The following TF variants were observed in gnomAD, a reference collection of about 807,000 sequenced individuals.
The protein encoded by TF is transferrin, also known as serotransferrin.
TF carries 55 observed loss-of-function variants against 82.4 expected under a neutral mutation model. That is an observed-to-expected ratio of 0.67 (90% CI 0.54 to 0.84). The LOEUF is 0.84. TF is among the 40% of genes least tolerant of loss of function. The pLI, the probability that TF is intolerant of heterozygous loss-of-function variation, is 0.00. For synonymous variants in TF, 332 were observed against 332.6 expected, an observed-to-expected ratio of 1.00 and a Z score of 0.02; for missense variants, 737 against 868.4, an observed-to-expected ratio of 0.85 and a Z score of 1.90.
intron 3 of TF, chr3:133,754,061 C>A: frequency 2.3e-6 from 1 of 439,340 alleles, no homozygotes; most frequent in Non-Finnish European, 4.2e-6. Context: ...AGGGGTCACT[C>A]TGGAGCACAC....
At chr3:133,718,062 G>A in the TF span, among the ~76,000 whole-genome samples, 2 of 152,026 alleles carry the variant, frequency 1.3e-5, no homozygotes, top group Non-Finnish European at 2.9e-5. Flanking sequence ...ACGCTGGATG[G>A]GCAAGGGTCC....
chr3:133,670,974 A>G, the TF span, among the ~76,000 whole-genome samples: 2 of 152,238 alleles, frequency 1.3e-5, no homozygotes, highest in Non-Finnish European at 2.9e-5. Context: ...GATCCCATTG[A>G]GAAGGGAGGA....
intron 1 of TF, 64 bp from the exon 2 acceptor site, chr3:133,748,348 G>T (rs1460412779): frequency 6.2e-7 from 1 of 1,604,928 alleles, no homozygotes; most frequent in African/African-American, 1.3e-5. Context: ...CCTTTCTAGG[G>T]GCGATGCTGT....
At position 133,794,903 on chromosome 3, in the gene TF, G is replaced by T. The variant is rs1386474451; in HGVS notation, c.*16283G>T. The T allele has an allele frequency of 6.6e-6, 1 of 152,138 alleles. No individual in the cohort carries two copies. The highest frequency in any genetic ancestry group is 1.5e-5 in the Non-Finnish European group (1 of 68,008). The allele number at this position is 152,138 out of a possible 1,614,324, so 9.4% of individuals were successfully genotyped here. A position where few individuals can be genotyped will look rare whatever the true frequency, so the allele number is the denominator to read the frequency against. ...AAAGGATCTGTTGTGTACAATTATG[G>T]GTTATACTTTTATTTGTGAAGAATT... On this transcript the variant is annotated 3_prime_UTR_variant, in exon 17 of 17. Coordinates refer to ENST00000402696, the MANE Select transcript of TF (RefSeq NM_001063.4).
At chr3:133,709,705 C>T in the TF span, 2 of 153,308 alleles carry the variant, frequency 1.3e-5, no homozygotes, top group Non-Finnish European at 2.9e-5. Context: ...GCAGTTCATT[C>T]CCTGTGCCTG....
the TF span, among the ~76,000 whole-genome samples, chr3:133,737,217 T>C: frequency 3.9e-5 from 6 of 152,174 alleles, no homozygotes; most frequent in South Asian, 2.1e-4. Context: ...GAATGACTAC[T>C]GGGTAAATAA....
At position 133,793,157 on chromosome 3, in the gene TF, C is replaced by T. The variant is rs1246133510; in HGVS notation, c.*14537C>T. ...GATCTTTGTTTGCCTTTTGAATAAA[C>T]TACCCCCCCACCAAAAAAAAGGAAG... On this transcript the variant is annotated 3_prime_UTR_variant, in exon 17 of 17. Transcript: ENST00000402696. 1 of 152,060 alleles carries T rather than the reference C, an allele frequency of 6.6e-6. No individual in the cohort carries two copies. The highest frequency in any genetic ancestry group is 2.4e-5 in the African/African-American group (1 of 41,438). 9.4% of individuals were successfully genotyped at this position (152,060 alleles called of 1,614,324 possible).
At chr3:133,683,527 CA>C in the TF span, among the ~76,000 whole-genome samples, 85 of 150,382 alleles carry the variant, frequency 5.7e-4, no homozygotes, top group Middle Eastern at 3.4e-3. Flanking sequence ...AAATGGGAAA[CA>C]AAAAAAAAGC....
chr3:133,756,257 C>T (rs372221778), intron 5 of TF, 25 bp from the exon 6 acceptor site: 4 of 1,613,416 alleles, frequency 2.5e-6, no homozygotes, highest in Admixed American at 3.3e-5. Context: ...TGCAGGAGCC[C>T]TGCTGATGTG....
At chr3:133,770,827 C>T (rs1934241091) in intron 14 of TF, 2 of 568,704 alleles carry the variant, frequency 3.5e-6, no homozygotes, top group South Asian at 2.1e-5. Context: ...GCTCCTTTCC[C>T]CTAAATACTT....
chr3:133,685,661 C>G, the TF span, among the ~76,000 whole-genome samples: 5 of 152,166 alleles, frequency 3.3e-5, no homozygotes, highest in Non-Finnish European at 5.9e-5. Context: ...TGAAGGACCT[C>G]TTCAAGAACT....
chr3:133,749,436 G>A (rs139184824), intron 2 of TF, among the ~76,000 whole-genome samples: 1 of 152,332 alleles, frequency 6.6e-6, no homozygotes, highest in African/African-American at 2.4e-5. Flanking sequence ...CCCTCAGGGA[G>A]CTCATGGGCT....
chr3:133,748,320 G>A, intron 1 of TF, 92 bp from the exon 2 acceptor site: 3 of 1,467,014 alleles, frequency 2.0e-6, no homozygotes, highest in South Asian at 2.3e-5. Context: ...CAGGACTGAG[G>A]GGATGTGGCT....
chr3:133,769,756 T>C (rs946537693), intron 13 of TF, among the ~76,000 whole-genome samples: 3 of 152,208 alleles, frequency 2.0e-5, no homozygotes, highest in Admixed American at 2.0e-4. Flanking sequence ...AGGAGGGCCT[T>C]GTGTAGATTT....
chr3:133,756,355 A>G lies in TF; in HGVS notation c.691+18A>G, dbSNP rs750871483. 2 of 1,613,676 alleles carry G rather than the reference A, an allele frequency of 1.2e-6. No individual in the cohort carries two copies. The highest frequency in any genetic ancestry group is 1.7e-5 in the Admixed American group (1 of 59,976). On this transcript the variant is annotated intron_variant, in intron 6 of 16. Transcript: ENST00000402696. Reference sequence around the variant, plus strand: ...TATATTTGGTAAGAATGGGACAAGAATCCACCAGGGCCACTCCAAGTAGTG... The same window carrying G: ...TATATTTGGTAAGAATGGGACAAGAGTCCACCAGGGCCACTCCAAGTAGTG...
chr3:133,676,127 C>T, the TF span, among the ~76,000 whole-genome samples: 1 of 152,142 alleles, frequency 6.6e-6, no homozygotes, highest in African/African-American at 2.4e-5. Context: ...TACCATACAA[C>T]AGAGAGGTAG....
intron 14 of TF, among the ~76,000 whole-genome samples, chr3:133,772,083 T>C (rs1447215977): frequency 1.3e-5 from 2 of 152,198 alleles, no homozygotes; most frequent in Non-Finnish European, 2.9e-5. Flanking sequence ...ATATTGCCAT[T>C]ATGATTGAAT....
chr3:133,683,627 G>C, the TF span, among the ~76,000 whole-genome samples: 1 of 152,082 alleles, frequency 6.6e-6, no homozygotes. Flanking sequence ...AATGGTAAAG[G>C]GATCAATTTA....
Position 133,795,811 on chromosome 3 carries a change from C to G in TF, c.*17191C>G, listed in dbSNP as rs1934954124. 1 of 152,126 alleles carries G rather than the reference C, an allele frequency of 6.6e-6. No individual in the cohort carries two copies. Among genetic ancestry groups the G allele is most frequent in the South Asian group, 2.1e-4 (1 of 4,824 alleles). The allele number at this position is 152,126 out of a possible 1,614,324, so 9.4% of individuals were successfully genotyped here. On this transcript the variant is annotated 3_prime_UTR_variant, in exon 17 of 17. Transcript: ENST00000402696. ...CAGGATGGTCTCGATCTCCTAACCT[C>G]ATGATCTGCCCACCTCGGCCTCCCA... is the stretch of plus-strand genomic sequence containing the variant.
Sources: gnomAD v4.1 joint callset for allele counts (sites outside exome capture counted in the v4.1 genomes callset) on GRCh38, gnomAD v4.1.1 for gene constraint, MANE v1.5 for transcripts, NCBI Gene and HGNC (gene_info 2026-07-23, HGNC 2026-07-21) for gene names.